CHD6: variants seen among roughly 807,000 people sequenced by gnomAD.
The protein encoded by CHD6 is chromodomain helicase DNA binding protein 6.
Under a neutral mutation model 276.9 loss-of-function variants are expected in CHD6, and 50 were observed. The observed-to-expected ratio is 0.18, with a 90% CI of 0.14 to 0.23. CHD6 has a LOEUF of 0.23. Ranked by LOEUF, CHD6 falls within the 10% of genes least tolerant of loss-of-function variation. CHD6 has a pLI of 1.00. For synonymous variants in CHD6, 1,173 were observed against 1,229.3 expected (o/e 0.95, Z 0.96); for missense variants, 2,564 against 3,365.8 (o/e 0.76, Z 5.89).
chr20:41,415,710 C>A (rs1157307172), intron 33 of CHD6, 72 bp from the exon 34 acceptor site: 1 of 1,154,082 alleles, frequency 8.7e-7, no homozygotes, highest in Non-Finnish European at 1.2e-6. Context: ...TTTCTCCAGG[C>A]CTGATTTCCC....
chr20:41,552,805 G>T (rs117177014), intron 1 of CHD6, among the ~76,000 whole-genome samples: 12 of 152,134 alleles, frequency 7.9e-5, no homozygotes, highest in African/African-American at 2.2e-4. Context: ...AGAGTGCAGC[G>T]GCCAAGGAGG....
At chr20:41,580,898 C>T (rs765675140) in intron 1 of CHD6, among the ~76,000 whole-genome samples, 8 of 152,042 alleles carry the variant, frequency 5.3e-5, no homozygotes, top group Non-Finnish European at 8.8e-5. Context: ...CAGATTGTTC[C>T]TAAGGTAAGA....
chr20:41,602,902 C>T (rs1370967411), intron 1 of CHD6, among the ~76,000 whole-genome samples: 3 of 151,992 alleles, frequency 2.0e-5, no homozygotes, highest in African/African-American at 4.8e-5. Flanking sequence ...AGGCTGGTCT[C>T]GAACTCCTGG....
At chr20:41,408,633 T>C (rs917545540) in intron 36 of CHD6, among the ~76,000 whole-genome samples, 21 of 152,170 alleles carry the variant, frequency 1.4e-4, no homozygotes, top group African/African-American at 4.8e-4. Context: ...CTTGACCACA[T>C]ATCTTTCTGA....
chr20:41,587,108 TA>T lies in CHD6; in HGVS notation c.-24+31231del, dbSNP rs368838235. 5.6e-3 allele frequency among the ~76,000 whole-genome samples: 853 copies of T among 152,320 alleles called. 8 individuals carry two copies. Among genetic ancestry groups the T allele is most frequent in the Middle Eastern group, 0.024 (7 of 294 alleles). On this transcript the variant is annotated intron_variant, in intron 1 of 36. Coordinates refer to ENST00000373233, the MANE Select transcript of CHD6 (RefSeq NM_032221.5). ...AAAAAGAGCTTCTAGAACTATAATT[TA>T]ATAAGGTCATAGGCTATAAGATTGA...
At chr20:41,607,302 C>G (rs2045839718) in intron 1 of CHD6, among the ~76,000 whole-genome samples, 1 of 152,176 alleles carries the variant, frequency 6.6e-6, no homozygotes, top group African/African-American at 2.4e-5. Context: ...ACGGTTGATC[C>G]TTCTTCTTGA....
At chr20:41,556,378 T>G (rs912664770) in intron 1 of CHD6, among the ~76,000 whole-genome samples, 1 of 150,208 alleles carries the variant, frequency 6.7e-6, no homozygotes, top group South Asian at 2.1e-4. Flanking sequence ...TTTAACTGTT[T>G]CAAGCTTTCT....
chr20:41,467,561 G>GAAAAAAAA (rs11472253), intron 17 of CHD6, among the ~76,000 whole-genome samples: 8 of 39,130 alleles, frequency 2.0e-4, no homozygotes, highest in East Asian at 1.4e-3. Flanking sequence ...TTCTGACAAT[G>GAAAAAAAA]AAAAAAAAAA....
chr20:41,598,991 CG>C (rs745359914), intron 1 of CHD6, among the ~76,000 whole-genome samples: 1 of 152,180 alleles, frequency 6.6e-6, no homozygotes, highest in Non-Finnish European at 1.5e-5. Context: ...TAGATGCCAT[CG>C]GAGTTCCACG....
chr20:41,610,828 T>C (rs368742954), intron 1 of CHD6, among the ~76,000 whole-genome samples: 10 of 152,140 alleles, frequency 6.6e-5, no homozygotes, highest in East Asian at 5.8e-4. Context: ...CTGAAATACT[T>C]TGTATGGTAA....
chr20:41,571,389 A>ATTT (rs11373605), intron 1 of CHD6, among the ~76,000 whole-genome samples: 9 of 129,958 alleles, frequency 6.9e-5, no homozygotes, highest in African/African-American at 2.7e-4. Context: ...CTGGCCATTA[A>ATTT]TTTTTTTTTT....
intron 1 of CHD6, among the ~76,000 whole-genome samples, chr20:41,567,672 A>T (rs2045372444): frequency 6.6e-6 from 1 of 152,050 alleles, no homozygotes; most frequent in African/African-American, 2.4e-5. Context: ...AGAGAAGTCA[A>T]ATGCTCTTCC....
At chr20:41,548,295 T>C (rs1049883037) in intron 2 of CHD6, among the ~76,000 whole-genome samples, 2 of 152,208 alleles carry the variant, frequency 1.3e-5, no homozygotes, top group African/African-American at 4.8e-5. Flanking sequence ...AATCCTGTTC[T>C]GTTCATCAAA....
chr20:41,543,338 T>C (rs2044982784), intron 2 of CHD6, among the ~76,000 whole-genome samples: 1 of 152,170 alleles, frequency 6.6e-6, no homozygotes, highest in African/African-American at 2.4e-5. Flanking sequence ...TCAAGGGCCA[T>C]TGCTTTTAAT....
chr20:41,523,679 T>A (rs772759660), intron 3 of CHD6, among the ~76,000 whole-genome samples: 74 of 151,672 alleles, frequency 4.9e-4, no homozygotes, highest in Non-Finnish European at 8.1e-4. Flanking sequence ...AAATAGGAAA[T>A]TTCATTATCA....
chr20:41,416,086 T>C (rs2046987044), intron 33 of CHD6, among the ~76,000 whole-genome samples: 1 of 152,202 alleles, frequency 6.6e-6, no homozygotes, highest in African/African-American at 2.4e-5. Context: ...AGCTAGTTAA[T>C]AATGTATCTC....
chr20:41,551,280 A>C (rs1317713288), intron 2 of CHD6, 25 bp downstream of exon 2: 1 of 1,446,062 alleles, frequency 6.9e-7, no homozygotes, highest in Non-Finnish European at 9.6e-7. Flanking sequence ...GGATGCATTC[A>C]CTTAAAAGAA....
chr20:41,418,287 C>G (rs2047068456), intron 31 of CHD6, among the ~76,000 whole-genome samples: 1 of 151,952 alleles, frequency 6.6e-6, no homozygotes, highest in Non-Finnish European at 1.5e-5. Flanking sequence ...TAAGTACTAT[C>G]AAGGGAAAGA....
rs1285980166 is a variant in CHD6, at chr20:41,533,260, T to A, written c.344A>T (p.Glu115Val). Residue 115 changes from glutamate to valine, a missense_variant, in exon 3 of 37, where the codon GAG becomes GTG. Physicochemically the swap from Glu to Val is moderately radical, Grantham distance 121. Coordinates refer to ENST00000373233, the MANE Select transcript of CHD6 (RefSeq NM_032221.5). ...EGAAKGSKDR[E>V]PKPKRKREPK... ...TTCTCGTTTCCTCTTTGGCTTGGGC[T>A]CTCTGTCCTTGCTTCCCTTTGCTGC... is the stretch of plus-strand genomic sequence containing the variant. 6.2e-7 allele frequency: 1 copy of A among 1,613,696 alleles called. No homozygotes were observed.
Sources: allele counts gnomAD v4.1 joint callset (sites outside exome capture counted in the v4.1 genomes callset), GRCh38; gene constraint gnomAD v4.1.1; transcripts MANE v1.5; gene names NCBI Gene and HGNC (gene_info 2026-07-23, HGNC 2026-07-21).